USP10: variants seen among roughly 807,000 people sequenced by gnomAD.
USP10 encodes ubiquitin specific peptidase 10, also known as ubiquitin carboxyl-terminal hydrolase 10.
In USP10, 22 loss-of-function variants were observed where a neutral mutation model predicts 84.5. The observed-to-expected ratio is 0.26, with a 90% CI of 0.19 to 0.37. The LOEUF is 0.37. Among genes scored for constraint, USP10 ranks in the 10% least tolerant of loss-of-function variants. USP10 has a pLI of 1.00. For missense variants in USP10, 1,019 were observed against 998.9 expected (o/e 1.02, Z -0.27); for synonymous variants, 454 against 387.6 (o/e 1.17, Z -2.01).
At chr16:84,738,478 A>G (rs1316713134) in intron 2 of USP10, among the ~76,000 whole-genome samples, 1 of 152,140 alleles carries the variant, frequency 6.6e-6, no homozygotes, top group East Asian at 1.9e-4. Context: ...GCTTCCTGAG[A>G]CACACATGGC....
chr16:84,704,956 T>C, intron 1 of USP10: 1 of 1,516,410 alleles, frequency 6.6e-7, no homozygotes, highest in Middle Eastern at 1.7e-4. Context: ...TAGGAGAATG[T>C]GCATGTGGAG....
intron 1 of USP10, among the ~76,000 whole-genome samples, chr16:84,720,893 A>ATTTT (rs1192679893): frequency 2.0e-5 from 2 of 99,022 alleles, no homozygotes; most frequent in East Asian, 2.9e-4. Context: ...ATGATGCACA[A>ATTTT]TTTTTTTTTT....
chr16:84,746,373 A>G (rs535229239), intron 4 of USP10, among the ~76,000 whole-genome samples: 361 of 152,370 alleles, frequency 2.4e-3, no homozygotes, highest in African/African-American at 8.2e-3. Context: ...TAAGATGGAT[A>G]TGTGTTCCGA....
chr16:84,712,203 C>G (rs1220352226), intron 1 of USP10, among the ~76,000 whole-genome samples: 1 of 152,202 alleles, frequency 6.6e-6, no homozygotes, highest in Non-Finnish European at 1.5e-5. Context: ...TACTTTGATT[C>G]TGTAGATGCC....
intron 1 of USP10, among the ~76,000 whole-genome samples, chr16:84,700,812 C>G (rs1057105248): frequency 6.6e-6 from 1 of 152,090 alleles, no homozygotes; most frequent in Non-Finnish European, 1.5e-5. Context: ...GCTTGGGGGC[C>G]CTTTACAATA....
At chr16:84,764,378 C>A in intron 10 of USP10, 115 bp downstream of exon 10, 1 of 1,376,978 alleles carries the variant, frequency 7.3e-7, no homozygotes, top group Non-Finnish European at 1.0e-6. Flanking sequence ...TGGTTTGCAT[C>A]TTGCTCCCCT....
chr16:84,733,641 C>A, intron 2 of USP10, 138 bp downstream of exon 2: 1 of 552,296 alleles, frequency 1.8e-6, no homozygotes. Context: ...TGCCTCAACC[C>A]ACCAACTAGA....
At chr16:84,768,869 A>G (rs1485020679) in intron 11 of USP10, among the ~76,000 whole-genome samples, 4 of 152,210 alleles carry the variant, frequency 2.6e-5, no homozygotes, top group South Asian at 2.1e-4. Flanking sequence ...TGGAAAAGGT[A>G]AGATTCTTGA....
At chr16:84,770,759 G>C (rs1236284959) in intron 11 of USP10, among the ~76,000 whole-genome samples, 1 of 128,202 alleles carries the variant, frequency 7.8e-6, no homozygotes, top group Admixed American at 8.4e-5. Context: ...GCGACAGAGC[G>C]AGACTCCGTC....
At chr16:84,753,783 G>A (rs1912210132) in intron 4 of USP10, among the ~76,000 whole-genome samples, 3 of 152,244 alleles carry the variant, frequency 2.0e-5, no homozygotes, top group African/African-American at 7.2e-5. Context: ...ATCTCCAGAT[G>A]TTTAATTGAT....
At chr16:84,719,528 A>T (rs962166724) in intron 1 of USP10, among the ~76,000 whole-genome samples, 3 of 152,208 alleles carry the variant, frequency 2.0e-5, no homozygotes, top group African/African-American at 7.2e-5. Context: ...AGGTGTGGCC[A>T]GGTTCGAGGA....
intron 6 of USP10, 123 bp from the exon 7 acceptor site, chr16:84,759,768 G>A (rs1417338265): frequency 9.9e-7 from 1 of 1,012,570 alleles, no homozygotes; most frequent in Non-Finnish European, 1.5e-6. Context: ...AGCTGTTACA[G>A]CATTGGTTAC....
At chr16:84,760,004 G>T in intron 7 of USP10, 58 bp downstream of exon 7, 1 of 1,596,118 alleles carries the variant, frequency 6.3e-7, no homozygotes, top group South Asian at 1.1e-5. Context: ...GGAGACAGAT[G>T]ACTTAAATTT....
intron 5 of USP10, among the ~76,000 whole-genome samples, 185 bp downstream of exon 5, chr16:84,758,992 C>T (rs1912897010): frequency 6.6e-6 from 1 of 152,210 alleles, no homozygotes; most frequent in Non-Finnish European, 1.5e-5. Flanking sequence ...GTCCATCTCC[C>T]TCTAAAAGAG....
At chr16:84,700,710 C>A (rs1020459909) in intron 1 of USP10, among the ~76,000 whole-genome samples, 2 of 152,194 alleles carry the variant, frequency 1.3e-5, no homozygotes, top group African/African-American at 4.8e-5. Flanking sequence ...TCGCAAGGAC[C>A]GTACTTTCAC....
chr16:84,739,263 T>TTTTTG (rs1007666915), intron 2 of USP10, among the ~76,000 whole-genome samples: 6 of 150,836 alleles, frequency 4.0e-5, no homozygotes, highest in East Asian at 2.0e-4. Context: ...GTTTGTTTTT[T>TTTTTG]TTTTGTTTTG....
intron 13 of USP10, among the ~76,000 whole-genome samples, chr16:84,777,787 T>C (rs562617273): frequency 6.6e-6 from 1 of 152,360 alleles, no homozygotes; most frequent in African/African-American, 2.4e-5. Context: ...GGTCTTGTTT[T>C]AGTGCTGAAA....
chr16:84,723,916 A>C (rs573505240), intron 1 of USP10, among the ~76,000 whole-genome samples: 3 of 152,128 alleles, frequency 2.0e-5, no homozygotes, highest in Non-Finnish European at 2.9e-5. Context: ...CAAAGATAGA[A>C]CTGCTTCTGT....
At chr16:84,714,441 C>T (rs541521697) in intron 1 of USP10, among the ~76,000 whole-genome samples, 3 of 152,268 alleles carry the variant, frequency 2.0e-5, no homozygotes, top group Admixed American at 6.5e-5. Context: ...TCTTTAGCCT[C>T]CCAAAATGCT....
Sources: allele counts gnomAD v4.1 joint callset (sites outside exome capture counted in the v4.1 genomes callset), GRCh38; gene constraint gnomAD v4.1.1; transcripts MANE v1.5; gene names NCBI Gene and HGNC (gene_info 2026-07-23, HGNC 2026-07-21).